The following TAFA1 variants were observed in gnomAD, a reference collection of about 807,000 sequenced individuals.
The protein encoded by TAFA1 is chemokine-like protein TAFA-1.
Under a neutral mutation model 18.5 loss-of-function variants are expected in TAFA1, and 4 were observed. The observed-to-expected ratio is 0.22, with a 90% CI of 0.11 to 0.49. The LOEUF (loss-of-function observed/expected upper bound fraction) is 0.49, where lower values mean the gene tolerates loss of function less well. Ranked by LOEUF, TAFA1 falls within the 20% of genes least tolerant of loss-of-function variation. TAFA1 has a pLI of 0.98. For synonymous variants in TAFA1, 56 were observed against 55.2 expected, an observed-to-expected ratio of 1.01 and a Z score of -0.06; for missense variants, 147 against 169.0, an observed-to-expected ratio of 0.87 and a Z score of 0.72.
intron 3 of TAFA1, among the ~76,000 whole-genome samples, chr3:68,460,826 TG>T (rs1180886336): frequency 6.6e-6 from 1 of 152,238 alleles, no homozygotes; most frequent in Non-Finnish European, 1.5e-5. Context: ...GCTGCTAGTC[TG>T]GGGATCACAC....
At chr3:68,282,387 T>C (rs932887038) in intron 2 of TAFA1, among the ~76,000 whole-genome samples, 5 of 151,516 alleles carry the variant, frequency 3.3e-5, no homozygotes, top group African/African-American at 1.2e-4. Flanking sequence ...ATCCTTCCAA[T>C]GACTTTGTGG....
chr3:68,043,316 G>C (rs1705205343), intron 2 of TAFA1, among the ~76,000 whole-genome samples: 1 of 152,162 alleles, frequency 6.6e-6, no homozygotes, highest in Admixed American at 6.5e-5. Context: ...GGTGATACTG[G>C]AAGGATAAAA....
At chr3:68,364,102 G>A (rs1327437314) in intron 2 of TAFA1, among the ~76,000 whole-genome samples, 3 of 152,210 alleles carry the variant, frequency 2.0e-5, no homozygotes, top group East Asian at 3.8e-4. Context: ...TCTGGGGCTG[G>A]GAGGAGTGAC....
chr3:68,230,605 A>G (rs2066860500), intron 2 of TAFA1, among the ~76,000 whole-genome samples: 1 of 152,206 alleles, frequency 6.6e-6, no homozygotes, highest in African/African-American at 2.4e-5. Flanking sequence ...TCTCTTCAAT[A>G]TAGTGATTTT....
At chr3:68,113,194 AGT>A (rs1198920819) in intron 2 of TAFA1, among the ~76,000 whole-genome samples, 3 of 152,206 alleles carry the variant, frequency 2.0e-5, no homozygotes, top group African/African-American at 7.2e-5. Context: ...TAACTAAGGC[AGT>A]GTTATGTTAT....
chr3:68,444,771 AATATATATAT>A (rs55684696), intron 3 of TAFA1, among the ~76,000 whole-genome samples: 5,635 of 127,196 alleles, frequency 0.044, 178 homozygotes, highest in South Asian at 0.07. Flanking sequence ...GTTTCTACAA[AATATATATAT>A]ATATATATAT....
intron 2 of TAFA1, among the ~76,000 whole-genome samples, chr3:68,312,817 A>G (rs2068542675): frequency 6.6e-6 from 1 of 152,220 alleles, no homozygotes; most frequent in Admixed American, 6.5e-5. Context: ...TCATGGTAAC[A>G]ATTTATTGTA....
chr3:68,421,509 A>G (rs954029361), intron 3 of TAFA1, among the ~76,000 whole-genome samples: 5 of 152,168 alleles, frequency 3.3e-5, no homozygotes, highest in Non-Finnish European at 5.9e-5. Context: ...GAGAAATTTC[A>G]TATACCTGGA....
intron 2 of TAFA1, among the ~76,000 whole-genome samples, chr3:68,146,342 A>G (rs1174530921): frequency 1.3e-5 from 2 of 152,108 alleles, no homozygotes; most frequent in African/African-American, 4.8e-5. Flanking sequence ...TCTTTATCTC[A>G]TCTATCTTTA....
chr3:68,079,948 A>C (rs897080489), intron 2 of TAFA1, among the ~76,000 whole-genome samples: 11 of 151,834 alleles, frequency 7.2e-5, no homozygotes, highest in Admixed American at 6.6e-4. Context: ...GTGGGAGTCT[A>C]AGTCTCTTTG....
At chr3:68,147,017 A>G (rs1486061539) in intron 2 of TAFA1, among the ~76,000 whole-genome samples, 1 of 146,768 alleles carries the variant, frequency 6.8e-6, no homozygotes, top group Non-Finnish European at 1.5e-5. Flanking sequence ...GTGTATATAT[A>G]TATGTGTGTG....
intron 2 of TAFA1, among the ~76,000 whole-genome samples, chr3:68,053,209 G>A (rs142816969): frequency 6.6e-6 from 1 of 152,066 alleles, no homozygotes; most frequent in African/African-American, 2.4e-5. Flanking sequence ...GATATGATGA[G>A]TCCAATGGCA....
Position 68,514,093 on chromosome 3 carries a change from T to G in TAFA1, c.260-24663T>G, listed in dbSNP as rs560555860. Among the ~76,000 whole-genome samples the G allele has an allele frequency of 3.2e-4, 48 of 152,256 alleles. 2 individuals carry two copies. In the South Asian group the frequency reaches 1.0e-2, roughly 32 times the overall value. ...GGGTGAGGAATCTCTCTGGGCTCTC[T>G]TTTATAAGAGCACTAATCCCATTTG... On this transcript the variant is annotated intron_variant, in intron 3 of 4. Coordinates refer to ENST00000478136, the MANE Select transcript of TAFA1 (RefSeq NM_213609.4).
intron 2 of TAFA1, among the ~76,000 whole-genome samples, chr3:68,121,249 ATGTGTGTGTGTGTGTG>A (rs67968765): frequency 8.1e-5 from 12 of 148,070 alleles, no homozygotes; most frequent in Admixed American, 4.0e-4. Flanking sequence ...ATGTACATTA[ATGTGTGTGTGTGTGTG>A]TGTGTGTGTG....
At chr3:68,423,181 GTAA>G (rs2070989702) in intron 3 of TAFA1, among the ~76,000 whole-genome samples, 1 of 151,922 alleles carries the variant, frequency 6.6e-6, no homozygotes, top group Admixed American at 6.6e-5. Context: ...ATTAATACCA[GTAA>G]TAATAATAAA....
intron 3 of TAFA1, among the ~76,000 whole-genome samples, chr3:68,454,886 A>C (rs1443993667): frequency 6.6e-6 from 1 of 152,082 alleles, no homozygotes; most frequent in African/African-American, 2.4e-5. Context: ...AAATGTATAC[A>C]GTTGACTCCT....
chr3:68,501,098 T>G (rs528817176), intron 3 of TAFA1, among the ~76,000 whole-genome samples: 1 of 140,256 alleles, frequency 7.1e-6, no homozygotes, highest in South Asian at 2.2e-4. Flanking sequence ...GAGGTCGTAG[T>G]GAGCTGAGAT....
chr3:68,362,027 T>C (rs1176647145), intron 2 of TAFA1, among the ~76,000 whole-genome samples: 1 of 152,138 alleles, frequency 6.6e-6, no homozygotes, highest in Non-Finnish European at 1.5e-5. Flanking sequence ...GGCTGTCTAG[T>C]AGAGGGAGAA....
At chr3:68,508,611 A>T (rs754265278) in intron 3 of TAFA1, among the ~76,000 whole-genome samples, 1 of 152,114 alleles carries the variant, frequency 6.6e-6, no homozygotes, top group Non-Finnish European at 1.5e-5. Flanking sequence ...ACAATCCTAC[A>T]TATCTGAGAT....
Sources: gnomAD v4.1 joint callset for allele counts (sites outside exome capture counted in the v4.1 genomes callset) on GRCh38, gnomAD v4.1.1 for gene constraint, MANE v1.5 for transcripts, NCBI Gene and HGNC (gene_info 2026-07-23, HGNC 2026-07-21) for gene names.